Variants in PCDH11X observed in about 807,000 individuals in gnomAD.
PCDH11X encodes protocadherin 11 X-linked.
In PCDH11X, 18 loss-of-function variants were observed where a neutral mutation model predicts 53.3. The ratio of observed to expected loss-of-function variants is 0.34; its 90% CI spans 0.23 to 0.50. PCDH11X has a LOEUF of 0.50. PCDH11X is among the 20% of genes least tolerant of loss of function. The pLI is 0.98. For missense variants in PCDH11X, 570 were observed against 1,032.4 expected (o/e 0.55, Z 6.14); for synonymous variants, 279 against 393.3 (o/e 0.71, Z 3.44).
At chrX:92,267,700 T>A (rs2067863824) in intron 8 of PCDH11X, among the ~76,000 whole-genome samples, 1 of 112,717 alleles carries the variant, frequency 8.9e-6, no homozygotes, top group African/African-American at 3.2e-5. Context: ...TGGCACTATC[T>A]TAGCTCATTT....
chrX:92,176,191 C>G (rs1199653644), intron 6 of PCDH11X, among the ~76,000 whole-genome samples: 1 of 111,618 alleles, frequency 9.0e-6, no homozygotes, highest in African/African-American at 3.3e-5. Flanking sequence ...TAGGATCTTA[C>G]TTCTCAGATA....
At chrX:92,305,601 G>A (rs1801512945) in intron 8 of PCDH11X, among the ~76,000 whole-genome samples, 1 of 109,245 alleles carries the variant, frequency 9.2e-6, no homozygotes, top group Non-Finnish European at 1.9e-5. Context: ...CACATTGGGG[G>A]TTGGGGCTTC....
intron 6 of PCDH11X, among the ~76,000 whole-genome samples, chrX:91,945,068 T>TATATATATATA (rs61515084): frequency 4.4e-5 from 4 of 90,001 alleles, no homozygotes; most frequent in Non-Finnish European, 6.7e-5. Flanking sequence ...TATATATATA[T>TATATATATATA]TCTTAAATGT....
intron 10 of PCDH11X, among the ~76,000 whole-genome samples, chrX:92,487,340 T>C (rs1260323302): frequency 9.1e-6 from 1 of 110,025 alleles, no homozygotes; most frequent in Admixed American, 9.8e-5. Flanking sequence ...AACTTCCCAA[T>C]TGGATTAGAC....
chrX:92,589,842 G>A (rs1924832763), intron 10 of PCDH11X, among the ~76,000 whole-genome samples: 1 of 110,790 alleles, frequency 9.0e-6, no homozygotes, highest in African/African-American at 3.3e-5. Flanking sequence ...AACTCAACGA[G>A]GCTTTTGTAA....
rs775146659 is a variant in PCDH11X, at chrX:92,321,418, A to G, written c.3144+58275A>G. On this transcript the variant is annotated intron_variant, in intron 8 of 10. Transcript: ENST00000682573. ...TCACCATGTTAGCCAGGATGGTCTC[A>G]ATCTCCTGACCTTGTGATCCACCTG... 1.6e-4 allele frequency among the ~76,000 whole-genome samples: 18 copies of G among 109,364 alleles called. No homozygotes were observed. In the South Asian group the frequency reaches 7.2e-3, roughly 44 times the overall value. 95.0% of individuals were successfully genotyped at this position (109,364 alleles called of 115,157 possible).
chrX:92,426,669 A>G (rs2072123667), intron 9 of PCDH11X, among the ~76,000 whole-genome samples: 1 of 109,991 alleles, frequency 9.1e-6, no homozygotes, highest in Admixed American at 9.8e-5. Flanking sequence ...AAACATTTAT[A>G]TTCATGAATT....
At chrX:92,328,599 G>A (rs1229335241) in intron 8 of PCDH11X, among the ~76,000 whole-genome samples, 1 of 110,104 alleles carries the variant, frequency 9.1e-6, no homozygotes, top group Admixed American at 9.8e-5. Flanking sequence ...AATAGTATTT[G>A]GATTAAGAGA....
chrX:91,900,575 G>T (rs1940916068), intron 6 of PCDH11X, among the ~76,000 whole-genome samples: 1 of 110,336 alleles, frequency 9.1e-6, no homozygotes, highest in South Asian at 3.9e-4. Context: ...AGCTGCTTCA[G>T]GATGATGGGG....
At chrX:92,306,797 C>T (rs1358119764) in intron 8 of PCDH11X, among the ~76,000 whole-genome samples, 1 of 110,571 alleles carries the variant, frequency 9.0e-6, no homozygotes, top group Non-Finnish European at 1.9e-5. Flanking sequence ...CACACACACA[C>T]AAATTAGCCG....
At chrX:92,114,260 T>C in intron 6 of PCDH11X, 2 of 923,471 alleles carry the variant, frequency 2.2e-6, no homozygotes, top group Non-Finnish European at 3.2e-6. Context: ...TTATAACCCC[T>C]GATACAAGGT....
At chrX:92,253,085 T>C (rs1020720863) in intron 7 of PCDH11X, among the ~76,000 whole-genome samples, 1 of 109,504 alleles carries the variant, frequency 9.1e-6, no homozygotes, top group Non-Finnish European at 1.9e-5. Context: ...AAAGAAGGAG[T>C]ATTTTGCCGA....
At chrX:92,053,644 C>T (rs761015160) in intron 6 of PCDH11X, among the ~76,000 whole-genome samples, 74 of 106,810 alleles carry the variant, frequency 6.9e-4, no homozygotes, top group African/African-American at 2.5e-3. Flanking sequence ...AATCTCGGCT[C>T]ACTGCAGCCT....
chrX:92,585,402 C>T (rs752822375), intron 10 of PCDH11X, among the ~76,000 whole-genome samples: 27 of 99,419 alleles, frequency 2.7e-4, no homozygotes, highest in African/African-American at 6.9e-4. Flanking sequence ...GACAGAGTCT[C>T]GCTCTGTCGC....
chrX:92,075,169 C>T, intron 6 of PCDH11X, among the ~76,000 whole-genome samples: 1 of 109,152 alleles, frequency 9.2e-6, no homozygotes. Context: ...ACTTGAAATG[C>T]TTTTTCTGGT....
At chrX:92,213,838 A>G (rs2066636551) in intron 7 of PCDH11X, among the ~76,000 whole-genome samples, 1 of 112,250 alleles carries the variant, frequency 8.9e-6, no homozygotes, top group Non-Finnish European at 1.9e-5. Context: ...GAATTTAAGC[A>G]CTATTCAACA....
intron 6 of PCDH11X, among the ~76,000 whole-genome samples, chrX:91,915,489 G>A (rs1199178190): frequency 3.6e-5 from 4 of 110,146 alleles, no homozygotes; most frequent in Non-Finnish European, 7.6e-5. Context: ...GTAATGGGGT[G>A]GAAAAAAACA....
chrX:92,097,362 T>C (rs1384715425), intron 6 of PCDH11X, among the ~76,000 whole-genome samples: 1 of 107,877 alleles, frequency 9.3e-6, no homozygotes, highest in African/African-American at 3.4e-5. Context: ...CCTTGTTGTG[T>C]TCACACCACT....
chrX:92,553,918 G>A (rs2075003938), intron 10 of PCDH11X, among the ~76,000 whole-genome samples: 1 of 111,309 alleles, frequency 9.0e-6, no homozygotes, highest in East Asian at 2.8e-4. Context: ...AAATTCAGGA[G>A]TAAAAGCTTG....
Sources: gnomAD v4.1 joint callset for allele counts (sites outside exome capture counted in the v4.1 genomes callset) on GRCh38, gnomAD v4.1.1 for gene constraint, MANE v1.5 for transcripts, NCBI Gene and HGNC (gene_info 2026-07-23, HGNC 2026-07-21) for gene names.